TRPM2: variants seen among roughly 807,000 people sequenced by gnomAD.
TRPM2 encodes the protein estrogen-responsive element-associated gene 1 protein.
TRPM2 carries 161 observed loss-of-function variants against 174.0 expected under a neutral mutation model. That is an observed-to-expected ratio of 0.93 (90% CI 0.81 to 1.05). The LOEUF is 1.05. TRPM2 is among the 50% of genes least tolerant of loss of function. The pLI, the probability that TRPM2 is intolerant of heterozygous loss-of-function variation, is 0.00. For synonymous variants in TRPM2, 954 were observed against 861.3 expected (o/e 1.11, Z -1.88); for missense variants, 2,057 against 2,038.0 (o/e 1.01, Z -0.18).
chr21:44,424,127 A>G (rs1218873866), intron 23 of TRPM2, among the ~76,000 whole-genome samples: 4 of 152,052 alleles, frequency 2.6e-5, no homozygotes, highest in Non-Finnish European at 5.9e-5. Flanking sequence ...CACCCCATCA[A>G]CGTCCACCAG....
At chr21:44,422,188 A>G (rs2050574504) in intron 22 of TRPM2, 1 of 1,460,910 alleles carries the variant, frequency 6.8e-7, no homozygotes. Flanking sequence ...GAAGCTGGGC[A>G]CCTGGGAGGC....
rs553099464 is a variant in TRPM2, at chr21:44,399,283, T to C, written c.2063-13T>C. 221 of 1,607,920 alleles carry C rather than the reference T, an allele frequency of 1.4e-4. 1 individual carries two copies. The Middle Eastern group carries it at 2.0e-3, about 14-fold the overall frequency. ...ACCTGCTGCTCTGACGGGGCTCTCA[T>C]ATCTCCGCCCAGGGGTCTTCACCGA... On this transcript the variant is annotated splice_polypyrimidine_tract_variant and intron_variant, in intron 13 of 31. Coordinates refer to ENST00000397928, the MANE Select transcript of TRPM2 (RefSeq NM_003307.4). This position sits in a 1 kb window ranked among gnomAD's most constrained non-coding sequence, Gnocchi z 4.6.
At chr21:44,407,806 ACAC>A (rs2049956836) in intron 19 of TRPM2, among the ~76,000 whole-genome samples, 2 of 151,880 alleles carry the variant, frequency 1.3e-5, no homozygotes, top group Admixed American at 1.3e-4. Flanking sequence ...CTGTGTGGAC[ACAC>A]CACATTTTGT....
chr21:44,363,394 T>C (rs1339163914), intron 2 of TRPM2, among the ~76,000 whole-genome samples: 1 of 152,234 alleles, frequency 6.6e-6, no homozygotes, highest in African/African-American at 2.4e-5. Context: ...GTTGTTCTTA[T>C]TGGGCAATTT....
intron 12 of TRPM2, among the ~76,000 whole-genome samples, chr21:44,396,034 C>A (rs866789836): frequency 9.0e-5 from 2 of 22,252 alleles, no homozygotes; most frequent in Non-Finnish European, 7.7e-5. Context: ...GTGTGGAGGG[C>A]TGTGGAGGCT....
Position 44,407,450 on chromosome 21 carries a change from GTTTT to G in TRPM2, c.2962+708_2962+711del, listed in dbSNP as rs71197896. ...AGAGAGAACACTTTTCATATAGAAG[GTTTT>G]TTTTTTTTTTTTTTTTTTTTTTAAC... On this transcript the variant is annotated intron_variant, in intron 19 of 31. Coordinates refer to ENST00000397928, the MANE Select transcript of TRPM2 (RefSeq NM_003307.4). Among the ~76,000 whole-genome samples, 745 of 85,842 alleles carry G rather than the reference GTTTT, an allele frequency of 8.7e-3. 5 individuals are homozygous for G. The highest frequency in any genetic ancestry group is 0.015 in the Admixed American group (114 of 7,444). 56.3% of individuals were successfully genotyped at this position (85,842 alleles called of 152,430 possible). A position where few individuals can be genotyped will look rare whatever the true frequency, so the allele number is the denominator to read the frequency against.
At chr21:44,368,098 A>G (rs758370253) in intron 4 of TRPM2, among the ~76,000 whole-genome samples, 1 of 152,144 alleles carries the variant, frequency 6.6e-6, no homozygotes, top group Admixed American at 6.5e-5. Context: ...CTTTCTATCT[A>G]TCTATCTCCA....
At chr21:44,358,034 A>G (rs1166740644) in intron 2 of TRPM2, among the ~76,000 whole-genome samples, 1 of 152,176 alleles carries the variant, frequency 6.6e-6, no homozygotes, top group Non-Finnish European at 1.5e-5. Context: ...CAGCTTTTCA[A>G]GCAGATTTAT....
intron 6 of TRPM2, 51 bp from the exon 7 acceptor site, chr21:44,377,661 C>G (rs1195845664): frequency 6.2e-7 from 1 of 1,609,866 alleles, no homozygotes; most frequent in Non-Finnish European, 8.5e-7. Flanking sequence ...CCTCACTCGG[C>G]TCCGTGCTTT....
intron 5 of TRPM2, among the ~76,000 whole-genome samples, chr21:44,370,932 C>G (rs1420213216): frequency 1.3e-5 from 2 of 152,232 alleles, no homozygotes; most frequent in African/African-American, 4.8e-5. Flanking sequence ...CAGCCACGCT[C>G]CCTCTCTGTG....
chr21:44,437,359 A>AG (rs1433229745), intron 29 of TRPM2, among the ~76,000 whole-genome samples, 192 bp downstream of exon 29: 1 of 152,208 alleles, frequency 6.6e-6, no homozygotes, highest in Non-Finnish European at 1.5e-5. Context: ...TGTTGCAGTT[A>AG]GGAAAACCCA....
chr21:44,355,620 T>G (rs566667166), intron 2 of TRPM2, among the ~76,000 whole-genome samples: 70 of 152,328 alleles, frequency 4.6e-4, no homozygotes, highest in Middle Eastern at 6.8e-3. Context: ...TTCATCTTTC[T>G]TGCTAGCTGC....
rs1354751436 is a variant in TRPM2 at position 44,354,885 on chromosome 21, A to G, written c.254+149A>G. On this transcript the variant is annotated intron_variant, in intron 2 of 31. Transcript: ENST00000397928. This position sits in a 1 kb window ranked among gnomAD's most constrained non-coding sequence, Gnocchi z 4.3. ...ATACGAGGCTTAGAGTCCACAGAGCATTTCCACCTAACCCTTGCAAGCCTC... is the reference window on the plus strand; with the variant it reads ...ATACGAGGCTTAGAGTCCACAGAGCGTTTCCACCTAACCCTTGCAAGCCTC... 2.8e-6 allele frequency: 2 copies of G among 707,140 alleles called. No individual in the cohort carries two copies. Among genetic ancestry groups the G allele is most frequent in the African/African-American group, 3.6e-5 (2 of 56,008 alleles). 43.8% of individuals were successfully genotyped at this position (707,140 alleles called of 1,614,324 possible). A position where few individuals can be genotyped will look rare whatever the true frequency, so the allele number is the denominator to read the frequency against.
At chr21:44,404,226 C>T (rs1018692758) in intron 16 of TRPM2, among the ~76,000 whole-genome samples, 32 of 150,210 alleles carry the variant, frequency 2.1e-4, no homozygotes, top group Non-Finnish European at 3.4e-4. Flanking sequence ...CACAGATACA[C>T]ATACACATGC....
chr21:44,401,613 C>G (rs2049619009), intron 15 of TRPM2, 68 bp from the exon 16 acceptor site: 3 of 1,553,208 alleles, frequency 1.9e-6, no homozygotes, highest in Non-Finnish European at 2.6e-6. Context: ...ACGGGGTGGC[C>G]AAAGCCTGTG....
upstream of TRPM2, among the ~76,000 whole-genome samples, chr21:44,352,883 A>T (rs2047950158): frequency 2.0e-5 from 3 of 152,246 alleles, no homozygotes; most frequent in African/African-American, 7.2e-5. Context: ...GGCTGGGCAC[A>T]GTGGCTCACG....
chr21:44,395,449 T>TCCCTC lies in TRPM2; in HGVS notation c.1830_1831insCCCTC (p.Ser611ProfsTer7), dbSNP rs1275771225. Reference sequence around the variant, plus strand: ...TGAGCCTCCGGTCCCTCTACAAGCGTTCCTCAGGCCATGTGACCTTCACCA... The same window carrying TCCCTC: ...TGAGCCTCCGGTCCCTCTACAAGCGTCCCTCTCCTCAGGCCATGTGACCTTCACCA... On this transcript the variant is annotated frameshift_variant, in exon 12 of 32. Transcript: ENST00000397928. LOFTEE classifies it high-confidence loss of function. 1.2e-6 allele frequency: 2 copies of TCCCTC among 1,612,786 alleles called. No individual in the cohort carries two copies. The highest frequency in any genetic ancestry group is 2.7e-5 in the African/African-American group (2 of 74,910).
intron 2 of TRPM2, among the ~76,000 whole-genome samples, chr21:44,360,427 A>C (rs1394953873): frequency 1.3e-5 from 2 of 152,106 alleles, no homozygotes; most frequent in African/African-American, 4.8e-5. Context: ...TTTATTTTGA[A>C]ATAATTACAG....
In TRPM2 at chr21:44,439,195, C is replaced by T; in HGVS notation, c.4269+27C>T. 3 of 1,595,056 alleles carry T rather than the reference C, an allele frequency of 1.9e-6. No individual in the cohort carries two copies. The highest frequency in any genetic ancestry group is 2.6e-6 in the Non-Finnish European group (3 of 1,163,654). On this transcript the variant is annotated intron_variant, in intron 30 of 31. Coordinates refer to ENST00000397928, the MANE Select transcript of TRPM2 (RefSeq NM_003307.4). This position sits in a 1 kb window ranked among gnomAD's most constrained non-coding sequence, Gnocchi z 5.1. ...TATTCCTGGCCTGTTTGCTCTGTTC[C>T]ACCTGTGTGTCCCCAGGGCTGCAGG... is the stretch of plus-strand genomic sequence containing the variant.
Sources: allele counts gnomAD v4.1 joint callset (sites outside exome capture counted in the v4.1 genomes callset), GRCh38; gene constraint gnomAD v4.1.1; non-coding constraint Gnocchi (gnomAD v3.1); transcripts MANE v1.5; gene names NCBI Gene and HGNC (gene_info 2026-07-23, HGNC 2026-07-21).